Variants in AFAP1L2 observed in about 807,000 individuals in gnomAD.
AFAP1L2 encodes the protein actin filament-associated protein 1-like 2.
A neutral mutation model predicts 99.3 loss-of-function variants in AFAP1L2; 46 were observed. The ratio of observed to expected loss-of-function variants is 0.46; its 90% CI spans 0.37 to 0.59. The LOEUF (loss-of-function observed/expected upper bound fraction) is 0.59. Ranked by LOEUF, AFAP1L2 falls within the 20% of genes least tolerant of loss-of-function variation. The pLI is 0.00. For missense variants in AFAP1L2, 959 were observed against 1,034.9 expected, an observed-to-expected ratio of 0.93 and a Z score of 1.01; for synonymous variants, 397 against 419.1, an observed-to-expected ratio of 0.95 and a Z score of 0.64.
At chr10:114,387,202 T>A (rs2056610099) in intron 1 of AFAP1L2, among the ~76,000 whole-genome samples, 1 of 152,218 alleles carries the variant, frequency 6.6e-6, no homozygotes, top group African/African-American at 2.4e-5. Context: ...TGGAGAGTCA[T>A]CTTACACATC....
At chr10:114,301,302 G>T in intron 13 of AFAP1L2, 52 bp downstream of exon 13, 2 of 1,435,888 alleles carry the variant, frequency 1.4e-6, no homozygotes, top group Non-Finnish European at 2.0e-6. Flanking sequence ...TGTTGAGGTT[G>T]GTAGGAGGAG....
intron 2 of AFAP1L2, among the ~76,000 whole-genome samples, chr10:114,335,260 GA>G (rs1225980825): frequency 1.3e-5 from 2 of 151,982 alleles, no homozygotes; most frequent in Non-Finnish European, 2.9e-5. Context: ...AGCATTTAAA[GA>G]AAATTGTATT....
Position 114,333,914 on chromosome 10 carries a change from G to A in AFAP1L2, c.146-619C>T, listed in dbSNP as rs2047569073. On this transcript the variant is annotated intron_variant, in intron 2 of 18. Coordinates refer to ENST00000304129, the MANE Select transcript of AFAP1L2 (RefSeq NM_001001936.3). ...GGCTTCCTAGCATTTCATTTAAATT[G>A]TAAAATATTTCCTGTCATTCTCACC... is the stretch of plus-strand genomic sequence containing the variant. 2.6e-5 allele frequency among the ~76,000 whole-genome samples: 4 copies of A among 152,290 alleles called. No homozygotes were observed. The South Asian group carries it at 8.3e-4, about 32-fold the overall frequency.
Position 114,340,708 on chromosome 10 carries a change from A to G in AFAP1L2, c.40T>C (p.Leu14=), listed in dbSNP as rs552033116. ...YKALEQLLTE[L]DDFLKILDQE... ...TCAAGAATCTTGAGGAAGTCATCCA[A>G]CTCTGTCAGCAGCTGTTCCAGGGCT... Residue 14 remains leucine (L), a synonymous_variant, in exon 2 of 19, where the codon TTG becomes CTG. Coordinates refer to ENST00000304129, the MANE Select transcript of AFAP1L2 (RefSeq NM_001001936.3). The G allele has an allele frequency of 3.7e-6, 6 of 1,614,146 alleles. No homozygotes were observed. The highest frequency in any genetic ancestry group is 4.5e-5 in the East Asian group (2 of 44,884).
At chr10:114,302,217 T>G (rs1463428368) in intron 12 of AFAP1L2, 122 bp downstream of exon 12, 9 of 1,394,624 alleles carry the variant, frequency 6.5e-6, no homozygotes, top group Non-Finnish European at 6.9e-6. Flanking sequence ...CACATTTTCC[T>G]GCTGCTGGGC....
At chr10:114,353,371 T>C (rs1226419225) in intron 1 of AFAP1L2, among the ~76,000 whole-genome samples, 1 of 152,248 alleles carries the variant, frequency 6.6e-6, no homozygotes, top group Non-Finnish European at 1.5e-5. Flanking sequence ...CAAAGCACCC[T>C]ATTTGTTTGT....
intron 2 of AFAP1L2, among the ~76,000 whole-genome samples, chr10:114,335,284 C>T (rs565579696): frequency 4.4e-4 from 67 of 152,150 alleles, no homozygotes; most frequent in African/African-American, 1.5e-3. Flanking sequence ...AGGACATTCA[C>T]TACAATACTG....
At chr10:114,369,594 C>CAAAAAAA (rs34904418) in intron 1 of AFAP1L2, among the ~76,000 whole-genome samples, 1 of 74,654 alleles carries the variant, frequency 1.3e-5, no homozygotes, top group Non-Finnish European at 2.6e-5. Context: ...GACTCCGACT[C>CAAAAAAA]AAAAAAAAAA....
chr10:114,379,564 G>A (rs2055322187), intron 1 of AFAP1L2, among the ~76,000 whole-genome samples: 1 of 152,246 alleles, frequency 6.6e-6, no homozygotes, highest in African/African-American at 2.4e-5. Context: ...GGTAGAGACA[G>A]GGAGGAAGAA....
intron 1 of AFAP1L2, among the ~76,000 whole-genome samples, chr10:114,398,425 C>T (rs1037623338): frequency 1.3e-5 from 2 of 152,242 alleles, no homozygotes; most frequent in African/African-American, 4.8e-5. Flanking sequence ...GAAAAGCACA[C>T]AGTGGGCAGA....
chr10:114,305,424 TGCAGGAGGGGAC>T (rs141395165), intron 10 of AFAP1L2, among the ~76,000 whole-genome samples: 77,905 of 99,796 alleles, frequency 0.78, 29,718 homozygotes, highest in Admixed American at 0.85. Flanking sequence ...GAGATGCAGA[TGCAGGAGGGGAC>T]GCAGATGCAG....
the AFAP1L2 span, among the ~76,000 whole-genome samples, chr10:114,287,080 C>T: frequency 1.2e-4 from 18 of 152,298 alleles, no homozygotes; most frequent in African/African-American, 3.8e-4. Flanking sequence ...GTTTTGCAAG[C>T]CATGAAGCTG....
chr10:114,325,611 C>T (rs772423181), intron 4 of AFAP1L2, among the ~76,000 whole-genome samples: 1 of 152,246 alleles, frequency 6.6e-6, no homozygotes, highest in African/African-American at 2.4e-5. Flanking sequence ...CTGACAGACG[C>T]ACTGCTGAAG....
intron 4 of AFAP1L2, chr10:114,325,889 GCAGTAAGGTCTCCCCAGTGGGTCC>G (rs2046196395): frequency 7.8e-7 from 1 of 1,288,366 alleles, no homozygotes; most frequent in Admixed American, 2.3e-5. Flanking sequence ...CGCCTCTGTG[GCAGTAAGGTCTCCCCAGTGGGTCC>G]CAGGGCTCAT....
At chr10:114,401,241 T>TGA (rs1416291193) in intron 1 of AFAP1L2, among the ~76,000 whole-genome samples, 2 of 152,156 alleles carry the variant, frequency 1.3e-5, no homozygotes, top group African/African-American at 2.4e-5. Context: ...TATCCAAGTA[T>TGA]GATGCAATTT....
intron 5 of AFAP1L2, among the ~76,000 whole-genome samples, chr10:114,321,882 G>A (rs2045407044): frequency 1.3e-5 from 2 of 152,118 alleles, no homozygotes; most frequent in Non-Finnish European, 2.9e-5. Flanking sequence ...CAGTGTCCAG[G>A]GCGATCTTTT....
At chr10:114,307,939 A>G (rs1211303504) in intron 9 of AFAP1L2, 30 bp from the exon 10 acceptor site, 56 of 1,602,846 alleles carry the variant, frequency 3.5e-5, no homozygotes, top group Non-Finnish European at 4.7e-5. Flanking sequence ...AGCAATTCGT[A>G]TTGCACGTGG....
chr10:114,365,767 C>T (rs1277089736), intron 1 of AFAP1L2, among the ~76,000 whole-genome samples: 2 of 151,452 alleles, frequency 1.3e-5, no homozygotes, highest in East Asian at 1.9e-4. Context: ...ACTCTTCTGC[C>T]CAGACTGGAA....
intron 11 of AFAP1L2, 54 bp from the exon 12 acceptor site, chr10:114,302,538 C>A: frequency 6.2e-7 from 1 of 1,606,356 alleles, no homozygotes; most frequent in South Asian, 1.1e-5. Flanking sequence ...TGCCTGGTGC[C>A]AGCCCCTCCC....
Sources: gnomAD v4.1 joint callset for allele counts (sites outside exome capture counted in the v4.1 genomes callset) on GRCh38, gnomAD v4.1.1 for gene constraint, MANE v1.5 for transcripts, NCBI Gene and HGNC (gene_info 2026-07-23, HGNC 2026-07-21) for gene names.